The following STK4 variants were observed in gnomAD, a reference collection of about 807,000 sequenced individuals.
STK4 encodes serine/threonine kinase 4.
Under a neutral mutation model 64.9 loss-of-function variants are expected in STK4, and 30 were observed. The observed-to-expected ratio is 0.46, with a 90% CI of 0.35 to 0.63. The LOEUF is 0.63. Among genes scored for constraint, STK4 ranks in the 20% least tolerant of loss-of-function variants. The pLI is 0.01. For synonymous variants in STK4, 177 were observed against 199.0 expected, an observed-to-expected ratio of 0.89 and a Z score of 0.93; for missense variants, 466 against 598.5, an observed-to-expected ratio of 0.78 and a Z score of 2.31.
rs2067374776 is a variant in STK4, at chr20:44,978,324, G to A, written c.117-119G>A. 1.1e-5 allele frequency: 14 copies of A among 1,227,622 alleles called. No individual in the cohort carries two copies. The East Asian group carries it at 3.8e-4, about 33-fold the overall frequency. The allele number at this position is 1,227,622 out of a possible 1,614,324, so 76.0% of individuals were successfully genotyped here. A position where few individuals can be genotyped will look rare whatever the true frequency, so the allele number is the denominator to read the frequency against. On this transcript the variant is annotated intron_variant, in intron 2 of 10. Transcript: ENST00000372806. ...TTTTAGCTATCTTAGTTTTGCAAGT[G>A]TATATGTATTAGGCACTTAGGGATA...
intron 10 of STK4, 80 bp from the exon 11 acceptor site, chr20:45,074,938 G>T: frequency 1.3e-6 from 2 of 1,547,016 alleles, no homozygotes; most frequent in Non-Finnish European, 1.8e-6. Flanking sequence ...CCCTCTGGGT[G>T]CCTGGGAAGG....
chr20:45,016,014 A>G (rs2145358538), intron 9 of STK4, among the ~76,000 whole-genome samples: 1 of 151,972 alleles, frequency 6.6e-6, no homozygotes, highest in East Asian at 1.9e-4. Flanking sequence ...GGTATTGATG[A>G]TGTTTTGTAG....
intron 5 of STK4, among the ~76,000 whole-genome samples, chr20:44,989,656 T>C (rs1479489870): frequency 6.6e-6 from 1 of 152,186 alleles, no homozygotes; most frequent in Non-Finnish European, 1.5e-5. Context: ...TAAGAAATCA[T>C]TAGCTAATGC....
Position 45,024,955 on chromosome 20 carries a change from A to G in STK4, c.1148-18A>G, listed in dbSNP as rs191817187. The G allele has an allele frequency of 1.2e-5, 18 of 1,539,476 alleles. No individual in the cohort carries two copies. The Admixed American group carries it at 3.6e-4, about 31-fold the overall frequency. The stretch of plus-strand genomic sequence containing the variant: ...TTTAGAATGTTTCTTTTCATTTTTC[A>G]TTTTTCTTTGTTTTCAGGAAGGGAT... On this transcript the variant is annotated intron_variant, in intron 9 of 10. Transcript: ENST00000372806.
chr20:45,070,295 T>C (rs146469741), intron 10 of STK4, among the ~76,000 whole-genome samples: 2 of 152,306 alleles, frequency 1.3e-5, no homozygotes, highest in African/African-American at 4.8e-5. Context: ...CATTTCTGTG[T>C]TTTTAATTAT....
intron 9 of STK4, among the ~76,000 whole-genome samples, chr20:45,021,065 C>T (rs977412592): frequency 6.6e-6 from 1 of 152,048 alleles, no homozygotes; most frequent in Non-Finnish European, 1.5e-5. Flanking sequence ...AGCAGTCTAC[C>T]CACCTTGGCC....
At chr20:45,018,742 T>TTA (rs1555815298) in intron 9 of STK4, among the ~76,000 whole-genome samples, 1 of 149,582 alleles carries the variant, frequency 6.7e-6, no homozygotes, top group African/African-American at 2.5e-5. Flanking sequence ...TTTTTTTTTT[T>TTA]AATTTGGAGA....
intron 9 of STK4, among the ~76,000 whole-genome samples, chr20:45,016,871 G>T (rs1302837868): frequency 6.6e-6 from 1 of 152,158 alleles, no homozygotes; most frequent in East Asian, 1.9e-4. Context: ...TGGTCCTTAA[G>T]CCTAAGAGGC....
At chr20:44,994,312 A>G (rs1165150468) in intron 5 of STK4, among the ~76,000 whole-genome samples, 2 of 150,956 alleles carry the variant, frequency 1.3e-5, no homozygotes, top group Non-Finnish European at 2.9e-5. Context: ...TTTTTGTGCT[A>G]TGATATAACA....
intron 2 of STK4, chr20:44,974,407 T>C (rs1332239096): frequency 2.0e-5 from 3 of 152,184 alleles, no homozygotes; most frequent in Admixed American, 6.5e-5. Context: ...TAAGCAAGCC[T>C]CATTTAACTA....
intron 10 of STK4, among the ~76,000 whole-genome samples, chr20:45,053,968 C>T (rs752948993): frequency 6.6e-6 from 1 of 151,596 alleles, no homozygotes; most frequent in Non-Finnish European, 1.5e-5. Context: ...ATTTTGATTA[C>T]TTCTCACAGG....
chr20:45,036,004 G>C (rs1380578398), intron 10 of STK4, among the ~76,000 whole-genome samples: 6 of 152,090 alleles, frequency 3.9e-5, no homozygotes, highest in Non-Finnish European at 7.4e-5. Flanking sequence ...AGGCTTAATA[G>C]GAAGAATAAG....
chr20:45,057,353 C>T (rs1357335087), intron 10 of STK4, among the ~76,000 whole-genome samples: 1 of 152,214 alleles, frequency 6.6e-6, no homozygotes, highest in Non-Finnish European at 1.5e-5. Context: ...AGGTAACACA[C>T]TATCCCTATT....
chr20:45,043,804 G>A (rs745439989), intron 10 of STK4, among the ~76,000 whole-genome samples: 2 of 151,968 alleles, frequency 1.3e-5, no homozygotes, highest in Non-Finnish European at 2.9e-5. Context: ...TTTGGTTAAG[G>A]GATACTTCAC....
chr20:44,976,610 G>A (rs946643743), intron 2 of STK4, among the ~76,000 whole-genome samples: 1 of 152,210 alleles, frequency 6.6e-6, no homozygotes, highest in Non-Finnish European at 1.5e-5. Context: ...TGTCAATCCG[G>A]TATCCAACCA....
intron 9 of STK4, among the ~76,000 whole-genome samples, chr20:45,014,744 C>T (rs953014545): frequency 1.3e-5 from 2 of 152,066 alleles, no homozygotes; most frequent in African/African-American, 4.8e-5. Flanking sequence ...GATTCATTGG[C>T]GATAATGTCA....
At chr20:45,038,919 T>G (rs1329359964) in intron 10 of STK4, among the ~76,000 whole-genome samples, 1 of 152,086 alleles carries the variant, frequency 6.6e-6, no homozygotes, top group Non-Finnish European at 1.5e-5. Flanking sequence ...ATTTTTTGGC[T>G]TAGACAGATA....
At chr20:45,063,800 TTTTATTTA>T (rs998880666) in intron 10 of STK4, among the ~76,000 whole-genome samples, 1 of 152,004 alleles carries the variant, frequency 6.6e-6, no homozygotes, top group African/African-American at 2.4e-5. Context: ...GGTCCAGTGT[TTTTATTTA>T]TTTATTTATT....
In STK4 at chr20:44,988,866, A is replaced by C. The variant is rs369374452; in HGVS notation, c.525+1570A>C. 4.0e-4 allele frequency among the ~76,000 whole-genome samples: 61 copies of C among 152,144 alleles called. 2 individuals are homozygous for C. The highest frequency in any genetic ancestry group is 1.2e-3 in the African/African-American group (51 of 41,520). On this transcript the variant is annotated intron_variant, in intron 5 of 10. Transcript: ENST00000372806. ...TAGATTTGCATATTCTGAATATTTC[A>C]TATAAATAGAATCATACATAATGTG...
Sources: gnomAD v4.1 joint callset for allele counts (sites outside exome capture counted in the v4.1 genomes callset) on GRCh38, gnomAD v4.1.1 for gene constraint, MANE v1.5 for transcripts, NCBI Gene and HGNC (gene_info 2026-07-23, HGNC 2026-07-21) for gene names.